The following SLC4A7 variants were observed in gnomAD, a reference collection of about 807,000 sequenced individuals.
SLC4A7 encodes the protein sodium bicarbonate cotransporter 3.
SLC4A7 carries 51 observed loss-of-function variants against 137.6 expected under a neutral mutation model. The ratio of observed to expected loss-of-function variants is 0.37; its 90% CI spans 0.30 to 0.47. The LOEUF (loss-of-function observed/expected upper bound fraction) is 0.47. Among genes scored for constraint, SLC4A7 ranks in the 20% least tolerant of loss-of-function variants. SLC4A7 has a pLI of 1.00. For missense variants in SLC4A7, 1,247 were observed against 1,525.4 expected (o/e 0.82, Z 3.04); for synonymous variants, 542 against 518.6 (o/e 1.05, Z -0.61).
intron 13 of SLC4A7, 62 bp downstream of exon 13, chr3:27,409,294 T>C: frequency 7.9e-7 from 1 of 1,269,174 alleles, no homozygotes; most frequent in Non-Finnish European, 1.1e-6. Flanking sequence ...GTGAGACAAA[T>C]GCATACAGAC....
In SLC4A7 at chr3:27,421,671, C is replaced by A. The variant is rs765654152; in HGVS notation, c.1375G>T (p.Ala459Ser). 2 of 1,613,992 alleles carry A rather than the reference C, an allele frequency of 1.2e-6. No homozygotes were observed. The highest frequency in any genetic ancestry group is 8.5e-7 in the Non-Finnish European group (1 of 1,179,944). Residue 459 changes from alanine (A) to serine (S), a missense_variant, in exon 9 of 26, where the codon GCT (alanine) becomes TCT (serine). Physicochemically the swap from Ala to Ser is moderately conservative, Grantham distance 99. Around this residue, in one of 6 missense-constraint regions of SLC4A7, gnomAD observed 499 missense variants for 664.2 expected, o/e 0.75. Transcript: ENST00000454389. ...AACCCTGTAAGGAGGACAGCAGGAG[C>A]CAGTCTCACAAATGCAATTATTGGC... ...ERPIIAFVRL[A>S]PAVLLTGLTE...
chr3:27,424,785 A>T (rs1409944234), intron 7 of SLC4A7, among the ~76,000 whole-genome samples: 1 of 152,234 alleles, frequency 6.6e-6, no homozygotes, highest in Non-Finnish European at 1.5e-5. Context: ...AGAGTTTTAT[A>T]ACCAAAGGGA....
rs1490014840 is a variant in SLC4A7, at chr3:27,484,080, C to G, written c.47G>C (p.Arg16Pro). 2.8e-6 allele frequency: 4 copies of G among 1,410,232 alleles called. No individual in the cohort carries two copies. The highest frequency in any genetic ancestry group is 5.2e-5 in the Admixed American group (2 of 38,302). The allele number at this position is 1,410,232 out of a possible 1,614,324, so 87.4% of individuals were successfully genotyped here. A position where few individuals can be genotyped will look rare whatever the true frequency, so the allele number is the denominator to read the frequency against. Residue 16 changes from arginine to proline, a missense_variant, in exon 1 of 26, where the codon CGG (arginine) becomes CCG (proline). Physicochemically the swap from Arg to Pro is moderately radical, Grantham distance 103. Around this residue, in one of 6 missense-constraint regions of SLC4A7, gnomAD observed 176 missense variants for 186.4 expected, o/e 0.94. Transcript: ENST00000454389. The part of the protein sequence containing the change: ...AGEQMRPLLT[R>P]VTSRGPDEEA... ...CGGCGCCCTCACCCTGCTCGTTACC[C>G]GGGTGAGTAGCGGTCTCATCTGCTC...
At chr3:27,413,284 T>C (rs1384730523) in intron 11 of SLC4A7, among the ~76,000 whole-genome samples, 1 of 152,142 alleles carries the variant, frequency 6.6e-6, no homozygotes, top group Non-Finnish European at 1.5e-5. Flanking sequence ...ATAAGCTAAT[T>C]GTTGAAGTCT....
At chr3:27,431,766 C>G in intron 6 of SLC4A7, 97 bp from the exon 7 acceptor site, 1 of 1,242,738 alleles carries the variant, frequency 8.0e-7, no homozygotes, top group Non-Finnish European at 1.1e-6. Flanking sequence ...AAATTGCATA[C>G]TTCAAAGGCC....
At chr3:27,464,839 G>A (rs1313593069) in intron 1 of SLC4A7, among the ~76,000 whole-genome samples, 1 of 152,170 alleles carries the variant, frequency 6.6e-6, no homozygotes, top group Admixed American at 6.5e-5. Flanking sequence ...ATTTGCAGTG[G>A]GGGAAGAGCC....
In SLC4A7 at chr3:27,484,137, C is replaced by A; in HGVS notation, c.-11G>T. 3 of 1,370,016 alleles carry A rather than the reference C, an allele frequency of 2.2e-6. No individual in the cohort carries two copies. The highest frequency in any genetic ancestry group is 1.9e-6 in the Non-Finnish European group (2 of 1,057,954). 84.9% of individuals were successfully genotyped at this position (1,370,016 alleles called of 1,614,324 possible). A position where few individuals can be genotyped will look rare whatever the true frequency, so the allele number is the denominator to read the frequency against. On this transcript the variant is annotated 5_prime_UTR_variant, in exon 1 of 26. Coordinates refer to ENST00000454389, the MANE Select transcript of SLC4A7 (RefSeq NM_001321103.2). ...CCCATCAGCCTCCATGGCCGGCCGG[C>A]CAGCCCGTGACGGCCGCTACGGTAC... is the stretch of plus-strand genomic sequence containing the variant.
intron 1 of SLC4A7, among the ~76,000 whole-genome samples, chr3:27,468,059 G>A (rs2059083456): frequency 6.6e-6 from 1 of 152,090 alleles, no homozygotes; most frequent in African/African-American, 2.4e-5. Flanking sequence ...AAGTAGCTGG[G>A]ATTACAGGTA....
intron 1 of SLC4A7, among the ~76,000 whole-genome samples, chr3:27,464,813 G>A (rs2058891291): frequency 6.6e-6 from 1 of 152,132 alleles, no homozygotes; most frequent in South Asian, 2.1e-4. Context: ...GGGTGGAACC[G>A]CGAAAAGTTC....
At chr3:27,378,261 A>T (rs1168816732) in intron 25 of SLC4A7, among the ~76,000 whole-genome samples, 1 of 152,196 alleles carries the variant, frequency 6.6e-6, no homozygotes, top group Non-Finnish European at 1.5e-5. Context: ...GAATGAGAAA[A>T]AGCTAATCAA....
intron 1 of SLC4A7, among the ~76,000 whole-genome samples, chr3:27,457,277 TACATA>T (rs2058463499): frequency 6.6e-6 from 1 of 152,140 alleles, no homozygotes; most frequent in Non-Finnish European, 1.5e-5. Context: ...CATGTTAATA[TACATA>T]ACATTTTAAT....
intron 3 of SLC4A7, among the ~76,000 whole-genome samples, chr3:27,441,020 G>A (rs1034236230): frequency 6.6e-6 from 1 of 152,178 alleles, no homozygotes; most frequent in East Asian, 1.9e-4. Context: ...ACACCAGCCT[G>A]GGTGACAAGA....
chr3:27,392,688 A>G (rs1183856461), intron 20 of SLC4A7, among the ~76,000 whole-genome samples: 8 of 151,930 alleles, frequency 5.3e-5, no homozygotes, highest in Admixed American at 5.3e-4. Context: ...TTAGCTGGGC[A>G]TGGTGGCACG....
At chr3:27,467,867 T>TGCTTTAAAGAAACTTCTCTTTAAG (rs1333624116) in intron 1 of SLC4A7, among the ~76,000 whole-genome samples, 3 of 152,242 alleles carry the variant, frequency 2.0e-5, no homozygotes, top group Admixed American at 1.3e-4. Context: ...TCTCTAGCAG[T>TGCTTTAAAGAAACTTCTCTTTAAG]TGCTTTAAGA....
intron 13 of SLC4A7, among the ~76,000 whole-genome samples, chr3:27,408,369 A>T (rs1005951443): frequency 6.6e-6 from 1 of 152,252 alleles, no homozygotes; most frequent in Admixed American, 6.5e-5. Flanking sequence ...ACAATTTGTG[A>T]CAGCACATAA....
rs773216830 is a variant in SLC4A7 at position 27,431,570 on chromosome 3, T to C, written c.878A>G (p.His293Arg). Residue 293 changes from histidine to arginine, a missense_variant, in exon 7 of 26, where the codon CAT becomes CGT. By Grantham distance (29) the His-to-Arg change is conservative. This residue lies in a region of SLC4A7 where 223 missense variants were observed against 203.6 expected (regional missense o/e 1.10). Transcript: ENST00000454389. ...GESPLSLLLGHLLPSSRAGTP... is the reference protein window; with the variant it reads ...GESPLSLLLGRLLPSSRAGTP... ...TCCAGCTCTTGAAGAAGGAAGAAGATGACCAAGAAGAAGAGATAAAGGTGA... is the reference window on the plus strand; with the variant it reads ...TCCAGCTCTTGAAGAAGGAAGAAGACGACCAAGAAGAAGAGATAAAGGTGA... The C allele has an allele frequency of 1.2e-6, 2 of 1,613,892 alleles. No homozygotes were observed. The highest frequency in any genetic ancestry group is 1.7e-5 in the Admixed American group (1 of 59,998).
Position 27,374,871 on chromosome 3 carries a change from T to C in SLC4A7, c.*1893A>G, listed in dbSNP as rs944601600. The stretch of plus-strand genomic sequence containing the variant: ...AAATAGCAGCAAATACTGGGGTCTT[T>C]GGAAATAATTATGCTGCTACAAATA... On this transcript the variant is annotated 3_prime_UTR_variant, in exon 26 of 26. Coordinates refer to ENST00000454389, the MANE Select transcript of SLC4A7 (RefSeq NM_001321103.2). 3.3e-5 allele frequency: 5 copies of C among 152,476 alleles called. No individual in the cohort carries two copies. The highest frequency in any genetic ancestry group is 1.2e-4 in the African/African-American group (5 of 41,450). The allele number at this position is 152,476 out of a possible 1,614,324, so 9.4% of individuals were successfully genotyped here. A position where few individuals can be genotyped will look rare whatever the true frequency, so the allele number is the denominator to read the frequency against.
intron 8 of SLC4A7, chr3:27,422,968 T>C (rs2055151929): frequency 3.2e-6 from 1 of 315,028 alleles, no homozygotes; most frequent in Admixed American, 3.8e-5. Flanking sequence ...TAAATTATAT[T>C]AATTTATTCA....
chr3:27,429,243 C>A (rs9848210), intron 7 of SLC4A7, among the ~76,000 whole-genome samples: 2 of 151,442 alleles, frequency 1.3e-5, no homozygotes, highest in Non-Finnish European at 2.9e-5. Flanking sequence ...TCCAGCCTGG[C>A]GACAAAGCGA....
Sources: allele counts gnomAD v4.1 joint callset (sites outside exome capture counted in the v4.1 genomes callset), GRCh38; gene constraint gnomAD v4.1.1; regional missense constraint gnomAD v4.1.1; transcripts MANE v1.5; gene names NCBI Gene and HGNC (gene_info 2026-07-23, HGNC 2026-07-21).